The following IRGM variants were observed in gnomAD, a reference collection of about 807,000 sequenced individuals.
IRGM encodes the protein immunity related GTPase M.
For synonymous variants in IRGM, 98 were observed against 80.6 expected (o/e 1.22, Z -1.16); for missense variants, 288 against 219.9 (o/e 1.31, Z -1.96).
chr5:150,894,942 C>T (rs1032552068), intron 3 of IRGM: 3 of 152,706 alleles, frequency 2.0e-5, no homozygotes, highest in Admixed American at 6.5e-5. Flanking sequence ...ATCAACCTAT[C>T]ATTCCATTTT....
intron 1 of IRGM, among the ~76,000 whole-genome samples, chr5:150,873,205 G>A (rs1022298314): frequency 6.6e-6 from 1 of 152,184 alleles, no homozygotes; most frequent in Admixed American, 6.5e-5. Context: ...AAGTGAAATT[G>A]ATAGGAAGCC....
intron 3 of IRGM, among the ~76,000 whole-genome samples, chr5:150,884,080 C>A (rs1754482166): frequency 6.6e-6 from 1 of 151,614 alleles, no homozygotes; most frequent in Admixed American, 6.6e-5. Context: ...AAAGATGGTT[C>A]AATATTCACA....
intron 3 of IRGM, among the ~76,000 whole-genome samples, chr5:150,881,221 T>C (rs1190526375): frequency 2.0e-5 from 3 of 151,264 alleles, no homozygotes; most frequent in Admixed American, 1.3e-4. Context: ...GACACCAAGA[T>C]ATAATCAAAC....
chr5:150,876,313 C>G (rs1231955297), intron 1 of IRGM, among the ~76,000 whole-genome samples: 1 of 152,192 alleles, frequency 6.6e-6, no homozygotes, highest in Admixed American at 6.5e-5. Context: ...TGGCACCACT[C>G]TCCATCACCT....
chr5:150,863,524 C>T (rs1456223737), intron 1 of IRGM, among the ~76,000 whole-genome samples: 3 of 152,266 alleles, frequency 2.0e-5, no homozygotes, highest in South Asian at 4.1e-4. Context: ...AATTTCAAGG[C>T]TCCTGATAGA....
intron 1 of IRGM, among the ~76,000 whole-genome samples, chr5:150,857,381 G>T (rs552695455): frequency 6.6e-6 from 1 of 151,224 alleles, no homozygotes; most frequent in African/African-American, 2.4e-5. Context: ...GAATAGTGCC[G>T]CAATAAACAT....
chr5:150,884,752 T>C (rs997576995), intron 3 of IRGM, among the ~76,000 whole-genome samples: 1 of 152,162 alleles, frequency 6.6e-6, no homozygotes, highest in Non-Finnish European at 1.5e-5. Flanking sequence ...ATTTGTCCAC[T>C]TTTTAAATGG....
chr5:150,897,945 T>C, intron 3 of IRGM: 1 of 1,270,082 alleles, frequency 7.9e-7, no homozygotes, highest in Non-Finnish European at 1.1e-6. Flanking sequence ...CAATTACTTG[T>C]TGAGTGACTA....
At chr5:150,892,847 G>A (rs1244642347) in intron 3 of IRGM, among the ~76,000 whole-genome samples, 3 of 151,986 alleles carry the variant, frequency 2.0e-5, no homozygotes, top group Non-Finnish European at 4.4e-5. Context: ...TGGGGTCAAG[G>A]TGTCCTCCCA....
chr5:150,871,701 T>G (rs1485739706), intron 1 of IRGM, among the ~76,000 whole-genome samples: 1 of 152,256 alleles, frequency 6.6e-6, no homozygotes, highest in Non-Finnish European at 1.5e-5. Context: ...CCTGATTTAC[T>G]GACTAAAATA....
At chr5:150,859,245 G>T (rs1379155698) in intron 1 of IRGM, among the ~76,000 whole-genome samples, 1 of 152,166 alleles carries the variant, frequency 6.6e-6, no homozygotes, top group Non-Finnish European at 1.5e-5. Context: ...ATTTGTGTAT[G>T]TTGAACCAGC....
chr5:150,850,588 T>C (rs1212102129), downstream of IRGM, among the ~76,000 whole-genome samples: 1 of 151,916 alleles, frequency 6.6e-6, no homozygotes, highest in Non-Finnish European at 1.5e-5. Flanking sequence ...TGAGACAGGG[T>C]CTTGCTATCT....
chr5:150,848,861 G>T (rs2113248122), downstream of IRGM, among the ~76,000 whole-genome samples: 1 of 152,152 alleles, frequency 6.6e-6, no homozygotes, highest in African/African-American at 2.4e-5. Context: ...AAGGCTGCTT[G>T]CTTCGAAGGT....
chr5:150,858,760 T>A (rs1313108632), intron 1 of IRGM, among the ~76,000 whole-genome samples: 1 of 152,188 alleles, frequency 6.6e-6, no homozygotes, highest in Non-Finnish European at 1.5e-5. Flanking sequence ...TGCTTGTAAT[T>A]TTTGTACATT....
chr5:150,880,906 C>T (rs1561748970), intron 3 of IRGM, among the ~76,000 whole-genome samples: 1 of 152,108 alleles, frequency 6.6e-6, no homozygotes, highest in Non-Finnish European at 1.5e-5. Context: ...GTGGGCAGAA[C>T]ACCTGAGGTC....
At chr5:150,881,031 G>A (rs549250141) in intron 3 of IRGM, among the ~76,000 whole-genome samples, 6 of 152,072 alleles carry the variant, frequency 3.9e-5, no homozygotes, top group South Asian at 2.1e-4. Context: ...GGAGGCTGAC[G>A]CAGGAGAATC....
At position 150,846,846 on chromosome 5, in the gene IRGM, A is replaced by C. The variant is rs1753868360; in HGVS notation, c.-790A>C. 6.5e-6 allele frequency: 1 copy of C among 153,370 alleles called. No individual in the cohort carries two copies. The highest frequency in any genetic ancestry group is 2.4e-5 in the African/African-American group (1 of 41,476). The allele number at this position is 153,370 out of a possible 1,614,324, so 9.5% of individuals were successfully genotyped here. On this transcript the variant is annotated 5_prime_UTR_variant, in exon 1 of 2. Coordinates refer to ENST00000522154, the MANE Select transcript of IRGM (RefSeq NM_001145805.2). Reference sequence around the variant, plus strand: ...ACATCAGAAGGAACAAACTCCGGACACGCAGCCTTTAAGAATTGTAACACT... The same window carrying C: ...ACATCAGAAGGAACAAACTCCGGACCCGCAGCCTTTAAGAATTGTAACACT...
At chr5:150,899,151 G>A (rs756629617) in intron 3 of IRGM, among the ~76,000 whole-genome samples, 2 of 152,054 alleles carry the variant, frequency 1.3e-5, no homozygotes, top group Non-Finnish European at 2.9e-5. Context: ...TCACAGTCCT[G>A]AAGAACAACC....
intron 3 of IRGM, among the ~76,000 whole-genome samples, chr5:150,889,707 T>C (rs1313445931): frequency 6.6e-6 from 1 of 152,096 alleles, no homozygotes; most frequent in African/African-American, 2.4e-5. Flanking sequence ...ATATTAACTG[T>C]AGGGTTTTCA....
Sources: gnomAD v4.1 joint callset for allele counts (sites outside exome capture counted in the v4.1 genomes callset) on GRCh38, gnomAD v4.1.1 for gene constraint, MANE v1.5 for transcripts, NCBI Gene and HGNC (gene_info 2026-07-23, HGNC 2026-07-21) for gene names.